Variants in CHCHD6 observed in about 807,000 individuals in gnomAD.
The protein encoded by CHCHD6 is coiled-coil-helix-coiled-coil-helix domain containing 6.
In CHCHD6, 28 loss-of-function variants were observed where a neutral mutation model predicts 32.3. The observed-to-expected ratio is 0.87, with a 90% CI of 0.64 to 1.19. The LOEUF is 1.19. Ranked by LOEUF, CHCHD6 falls within the 50% of genes most tolerant of loss-of-function variation. The pLI is 0.00. For missense variants in CHCHD6, 333 were observed against 307.0 expected (o/e 1.08, Z -0.63); for synonymous variants, 122 against 117.5 (o/e 1.04, Z -0.25).
intron 4 of CHCHD6, among the ~76,000 whole-genome samples, chr3:126,778,384 C>T (rs1176569394): frequency 6.6e-6 from 1 of 152,196 alleles, no homozygotes; most frequent in African/African-American, 2.4e-5. Context: ...ATTTTACATT[C>T]GCACTAGCAA....
intron 4 of CHCHD6, among the ~76,000 whole-genome samples, chr3:126,758,548 A>C (rs759830788): frequency 6.6e-6 from 1 of 152,252 alleles, no homozygotes; most frequent in Non-Finnish European, 1.5e-5. Flanking sequence ...CATGGGATGC[A>C]TGTGGGATCT....
chr3:126,832,308 C>T (rs975454429), intron 4 of CHCHD6, among the ~76,000 whole-genome samples: 1 of 152,200 alleles, frequency 6.6e-6, no homozygotes, highest in Non-Finnish European at 1.5e-5. Flanking sequence ...GTCTCTTCCT[C>T]TCTCCAGAAC....
chr3:126,711,012 A>C (rs1934724921), intron 1 of CHCHD6, among the ~76,000 whole-genome samples: 1 of 152,186 alleles, frequency 6.6e-6, no homozygotes, highest in Non-Finnish European at 1.5e-5. Context: ...CTTAGGGTGA[A>C]AGCATTCAGT....
rs780344521 is a variant in CHCHD6, at chr3:126,704,357, A to C, written c.45A>C (p.Gly15=). The C allele has an allele frequency of 2.5e-6, 4 of 1,592,894 alleles. No homozygotes were observed. Among genetic ancestry groups the C allele is most frequent in the Non-Finnish European group, 2.6e-6 (3 of 1,171,250 alleles). ...ESSEGRRVSF[G]VDEEERVRVL... ...GCGAGGGCCGCAGGGTGTCCTTCGG[A>C]GTGGACGAGGAGGAGCGGGTCCGGG... The change falls in exon 1 of 8, where the codon GGA becomes GGC. Residue 15 remains glycine, a synonymous_variant. Coordinates refer to ENST00000290913, the MANE Select transcript of CHCHD6 (RefSeq NM_032343.3).
intron 5 of CHCHD6, among the ~76,000 whole-genome samples, chr3:126,875,520 A>G (rs1559897302): frequency 6.6e-6 from 1 of 152,212 alleles, no homozygotes; most frequent in Non-Finnish European, 1.5e-5. Flanking sequence ...GAAATTTGGA[A>G]CACCAGGGGC....
intron 5 of CHCHD6, among the ~76,000 whole-genome samples, chr3:126,860,115 A>G (rs1941806643): frequency 6.6e-6 from 1 of 152,078 alleles, no homozygotes; most frequent in Non-Finnish European, 1.5e-5. Flanking sequence ...AGTCTGCACC[A>G]GAGATTCAGA....
At chr3:126,745,058 GTGGGAGGGA>G (rs2107665118) in intron 4 of CHCHD6, among the ~76,000 whole-genome samples, 1 of 152,306 alleles carries the variant, frequency 6.6e-6, no homozygotes, top group African/African-American at 2.4e-5. Flanking sequence ...TTATATGGGT[GTGGGAGGGA>G]CACTCTTCCC....
intron 4 of CHCHD6, among the ~76,000 whole-genome samples, chr3:126,746,401 T>C (rs982938605): frequency 1.3e-5 from 2 of 152,164 alleles, no homozygotes; most frequent in African/African-American, 2.4e-5. Flanking sequence ...TCTGGTGTTT[T>C]TTCTGCTTGT....
chr3:126,846,136 C>T (rs1468750540), intron 4 of CHCHD6, among the ~76,000 whole-genome samples: 1 of 152,158 alleles, frequency 6.6e-6, no homozygotes, highest in Non-Finnish European at 1.5e-5. Context: ...GTTGGACCTC[C>T]TTCAAAGCCC....
chr3:126,851,739 C>T (rs1239736939), intron 4 of CHCHD6, among the ~76,000 whole-genome samples: 1 of 152,224 alleles, frequency 6.6e-6, no homozygotes, highest in African/African-American at 2.4e-5. Flanking sequence ...ACATCCCTGC[C>T]TTGCCGTGTG....
intron 4 of CHCHD6, among the ~76,000 whole-genome samples, chr3:126,755,393 G>C (rs1936913570): frequency 6.6e-6 from 1 of 152,196 alleles, no homozygotes; most frequent in Non-Finnish European, 1.5e-5. Context: ...CAAGTCCCTG[G>C]GCATGTGTCT....
intron 1 of CHCHD6, among the ~76,000 whole-genome samples, chr3:126,723,809 T>G (rs80253810): frequency 0.019 from 2,895 of 152,300 alleles, 94 homozygotes; most frequent in East Asian, 0.15. Context: ...CTCAGTGAGA[T>G]ATTCTGGAAG....
chr3:126,757,827 G>T (rs1937020503), intron 4 of CHCHD6, among the ~76,000 whole-genome samples: 1 of 152,170 alleles, frequency 6.6e-6, no homozygotes, highest in Admixed American at 6.5e-5. Context: ...GGGTATCTTT[G>T]TGAATTTTTG....
chr3:126,726,782 A>G (rs1415942212), intron 1 of CHCHD6, among the ~76,000 whole-genome samples: 1 of 152,088 alleles, frequency 6.6e-6, no homozygotes, highest in Non-Finnish European at 1.5e-5. Context: ...AAGAGGTGAG[A>G]AAAGTGAGAC....
At chr3:126,921,178 T>G (rs2107593938) in intron 6 of CHCHD6, among the ~76,000 whole-genome samples, 1 of 152,288 alleles carries the variant, frequency 6.6e-6, no homozygotes, top group African/African-American at 2.4e-5. Context: ...TCTCCCAACT[T>G]GTGTTAGGAC....
At chr3:126,915,945 G>A (rs1039120521) in intron 6 of CHCHD6, among the ~76,000 whole-genome samples, 2 of 140,406 alleles carry the variant, frequency 1.4e-5, no homozygotes, top group Non-Finnish European at 1.5e-5. Flanking sequence ...CATGTGCCAC[G>A]CCCAGCTAAT....
At chr3:126,935,111 A>T (rs2107600445) in intron 6 of CHCHD6, 1 of 987,558 alleles carries the variant, frequency 1.0e-6, no homozygotes, top group East Asian at 1.1e-4. Flanking sequence ...ACTTGTGAGC[A>T]CGAATCACCT....
At chr3:126,860,523 C>T (rs1484927189) in intron 5 of CHCHD6, among the ~76,000 whole-genome samples, 2 of 152,010 alleles carry the variant, frequency 1.3e-5, no homozygotes, top group African/African-American at 4.8e-5. Context: ...TGCAGCACAC[C>T]AACATGGCAC....
intron 4 of CHCHD6, among the ~76,000 whole-genome samples, chr3:126,815,917 C>G (rs1939876388): frequency 6.6e-6 from 1 of 152,200 alleles, no homozygotes; most frequent in South Asian, 2.1e-4. Context: ...ATTTGCAGAA[C>G]ACTCACAGCT....
Sources: gnomAD v4.1 joint callset for allele counts (sites outside exome capture counted in the v4.1 genomes callset) on GRCh38, gnomAD v4.1.1 for gene constraint, MANE v1.5 for transcripts, NCBI Gene and HGNC (gene_info 2026-07-23, HGNC 2026-07-21) for gene names.